Variants in PRH1 observed in about 807,000 individuals in gnomAD.
PRH1 encodes proline rich protein HaeIII subfamily 1, also known as salivary acidic proline-rich phosphoprotein 1/2.
In PRH1, 7 loss-of-function variants were observed where a neutral mutation model predicts 7.9. That is an observed-to-expected ratio of 0.89 (90% CI 0.50 to 1.67). The LOEUF is 1.67. PRH1 is among the 40% of genes most tolerant of loss of function. The probability of loss-of-function intolerance (pLI) is 0.00; values close to 1 mark genes in which losing one functional copy is unlikely to be tolerated. For missense variants in PRH1, 109 were observed against 223.6 expected (o/e 0.49, Z 3.27); for synonymous variants, 45 against 80.8 (o/e 0.56, Z 2.38).
chr12:11,147,638 C>T (rs190565293), intron 1 of PRH1, among the ~76,000 whole-genome samples: 179 of 152,274 alleles, frequency 1.2e-3, no homozygotes, highest in Non-Finnish European at 5.1e-4. Context: ...TAAGCAGTGA[C>T]ATCATCACAT....
At chr12:11,017,205 C>T (rs1941336557) in intron 1 of PRH1, among the ~76,000 whole-genome samples, 1 of 152,246 alleles carries the variant, frequency 6.6e-6, no homozygotes, top group Admixed American at 6.5e-5. Flanking sequence ...AAGAGCACTG[C>T]TTCACTGTTT....
chr12:11,046,709 G>A (rs1942912822), intron 1 of PRH1, among the ~76,000 whole-genome samples: 1 of 151,956 alleles, frequency 6.6e-6, no homozygotes, highest in African/African-American at 2.4e-5. Context: ...AGTATCTGTG[G>A]GAGGCTTGGT....
chr12:11,087,543 T>C (rs1944748178), intron 1 of PRH1, among the ~76,000 whole-genome samples: 1 of 116,580 alleles, frequency 8.6e-6, no homozygotes, highest in Non-Finnish European at 2.0e-5. Flanking sequence ...ACTCACATTA[T>C]TCGTGAACTG....
At chr12:11,146,607 T>C (rs1946868801) in intron 1 of PRH1, among the ~76,000 whole-genome samples, 1 of 152,166 alleles carries the variant, frequency 6.6e-6, no homozygotes, top group African/African-American at 2.4e-5. Flanking sequence ...ATCAAACTTT[T>C]CCTTTATGTT....
chr12:10,901,846 G>A (rs574932916), intron 2 of PRH1, among the ~76,000 whole-genome samples: 3 of 151,848 alleles, frequency 2.0e-5, no homozygotes, highest in Non-Finnish European at 4.4e-5. Flanking sequence ...ATATTATAGG[G>A]AAATAAAGAA....
chr12:11,162,669 A>C (rs1319795711), intron 1 of PRH1, among the ~76,000 whole-genome samples: 1 of 152,160 alleles, frequency 6.6e-6, no homozygotes, highest in African/African-American at 2.4e-5. Context: ...CTGAGCACAC[A>C]TGAGACTACA....
In PRH1 at chr12:10,994,395, A is replaced by G. The variant is rs4506739; in HGVS notation, c.-125-20674T>C. Among the ~76,000 whole-genome samples, 647 of 152,320 alleles carry G rather than the reference A, an allele frequency of 4.2e-3. 5 individuals carry two copies. The highest frequency in any genetic ancestry group is 0.015 in the African/African-American group (615 of 41,580). Reference sequence around the variant, plus strand: ...CCGTCCTCTGTTGCTTCCATGGGCTAATGCTGGCTGTGTTGTCCTCTCGCA... The same window carrying G: ...CCGTCCTCTGTTGCTTCCATGGGCTGATGCTGGCTGTGTTGTCCTCTCGCA... On this transcript the variant is annotated intron_variant, in intron 1 of 3. Coordinates refer to the PRH1 transcript ENST00000539853.
intron 1 of PRH1, chr12:11,133,375 A>G: frequency 6.2e-7 from 1 of 1,613,956 alleles, no homozygotes; most frequent in Non-Finnish European, 8.5e-7. Flanking sequence ...AAACTGAAAG[A>G]AAAATCTGCT....
chr12:10,954,878 C>A (rs189916665), intron 2 of PRH1, among the ~76,000 whole-genome samples: 1 of 152,270 alleles, frequency 6.6e-6, no homozygotes, highest in African/African-American at 2.4e-5. Flanking sequence ...ACCAGGAAGA[C>A]ATTACTATTC....
intron 1 of PRH1, chr12:11,030,524 T>G (rs201103714): frequency 5.9e-6 from 9 of 1,521,388 alleles, no homozygotes; most frequent in African/African-American, 1.4e-5. Flanking sequence ...GATTGAAGGA[T>G]AGCTGAATCT....
At chr12:11,102,512 C>A (rs975866399) in intron 1 of PRH1, among the ~76,000 whole-genome samples, 3 of 152,180 alleles carry the variant, frequency 2.0e-5, no homozygotes, top group African/African-American at 7.2e-5. Flanking sequence ...AAACTGGATC[C>A]ATTCCTTACA....
chr12:11,110,380 G>C (rs911710618), intron 1 of PRH1, among the ~76,000 whole-genome samples: 1 of 152,134 alleles, frequency 6.6e-6, no homozygotes, highest in Non-Finnish European at 1.5e-5. Flanking sequence ...ATTCACCAAG[G>C]TTGAAATGAA....
At chr12:11,103,883 A>C (rs1227555353) in intron 1 of PRH1, among the ~76,000 whole-genome samples, 2 of 152,106 alleles carry the variant, frequency 1.3e-5, no homozygotes, top group African/African-American at 4.8e-5. Flanking sequence ...AATTGGTGTT[A>C]AGTCATTGTG....
chr12:10,993,319 T>G (rs1312607844), intron 1 of PRH1, among the ~76,000 whole-genome samples: 1 of 152,198 alleles, frequency 6.6e-6, no homozygotes, highest in African/African-American at 2.4e-5. Context: ...TCACTTCTGT[T>G]TTCAGTTTAA....
intron 1 of PRH1, among the ~76,000 whole-genome samples, chr12:11,076,013 A>T (rs1308425039): frequency 8.3e-6 from 1 of 120,618 alleles, no homozygotes; most frequent in African/African-American, 2.8e-5. Context: ...GGGAAGATGC[A>T]TGATAAATAA....
rs1186438968 is a variant in PRH1, at chr12:10,965,349, T to A, written c.-59+8306A>T. ...GAAAAAATGATGGGTAGAAAAGTTATCATGTCTGAACAGACAAAAAGATAG... is the reference window on the plus strand; with the variant it reads ...GAAAAAATGATGGGTAGAAAAGTTAACATGTCTGAACAGACAAAAAGATAG... On this transcript the variant is annotated intron_variant, in intron 2 of 3. Transcript: ENST00000539853. The A allele has an allele frequency of 3.4e-6, 4 of 1,177,262 alleles. No homozygotes were observed. In the South Asian group the frequency reaches 4.9e-5, roughly 14 times the overall value. 72.9% of individuals were successfully genotyped at this position (1,177,262 alleles called of 1,614,324 possible).
intron 1 of PRH1, chr12:11,091,852 C>G (rs1314796569): frequency 1.4e-6 from 2 of 1,444,882 alleles, no homozygotes; most frequent in African/African-American, 2.9e-5. Context: ...GAATGACACT[C>G]TTAACTCTCC....
chr12:10,974,000 T>G (rs751060499), intron 1 of PRH1, among the ~76,000 whole-genome samples: 1 of 152,316 alleles, frequency 6.6e-6, no homozygotes, highest in South Asian at 2.1e-4. Flanking sequence ...GTTTCTCATT[T>G]CAAAGTTTGC....
At chr12:10,929,048 T>C (rs1267792853) in intron 2 of PRH1, among the ~76,000 whole-genome samples, 1 of 152,156 alleles carries the variant, frequency 6.6e-6, no homozygotes, top group Non-Finnish European at 1.5e-5. Context: ...TTTTAGAAAT[T>C]AGCCACAAAC....
Sources: gnomAD v4.1 joint callset for allele counts (sites outside exome capture counted in the v4.1 genomes callset) on GRCh38, gnomAD v4.1.1 for gene constraint, MANE v1.5 for transcripts, NCBI Gene and HGNC (gene_info 2026-07-23, HGNC 2026-07-21) for gene names.